The following CCDC180 variants were observed in gnomAD, a reference collection of about 807,000 sequenced individuals.
The protein encoded by CCDC180 is coiled-coil domain-containing protein 180.
In CCDC180, 154 loss-of-function variants were observed where a neutral mutation model predicts 209.2. That is an observed-to-expected ratio of 0.74 (90% CI 0.65 to 0.84). The LOEUF (loss-of-function observed/expected upper bound fraction) is 0.84, where lower values mean the gene tolerates loss of function less well. CCDC180 is among the 40% of genes least tolerant of loss of function. The pLI, the probability that CCDC180 is intolerant of heterozygous loss-of-function variation, is 0.00. For missense variants in CCDC180, 1,874 were observed against 1,997.3 expected (o/e 0.94, Z 1.18); for synonymous variants, 778 against 749.1 (o/e 1.04, Z -0.63).
intron 18 of CCDC180, among the ~76,000 whole-genome samples, chr9:97,338,629 G>A (rs1460110541): frequency 3.9e-5 from 6 of 152,314 alleles, no homozygotes; most frequent in Middle Eastern, 3.4e-3. Context: ...TGAGAAGAAT[G>A]TATATTCTGT....
rs770537232 is a variant in CCDC180 at position 97,314,709 on chromosome 9, A to C, written c.680A>C (p.Glu227Ala). Reference sequence around the variant, plus strand: ...CTGGATGAGGCCCTGCACTCGCTGGAGTTCTCCCGAACCGATAAAGTAAGT... The same window carrying C: ...CTGGATGAGGCCCTGCACTCGCTGGCGTTCTCCCGAACCGATAAAGTAAGT... The part of the protein sequence containing the change: ...KELDEALHSL[E>A]FSRTDKLKSV... The change falls in exon 7 of 37, where the codon GAG becomes GCG. Residue 227 changes from glutamate to alanine, a missense_variant. Physicochemically the swap from Glu to Ala is moderately radical, Grantham distance 107 (BLOSUM62 -1). Transcript: ENST00000529487. 1 of 1,613,888 alleles carries C rather than the reference A, an allele frequency of 6.2e-7. No individual in the cohort carries two copies. Among genetic ancestry groups the C allele is most frequent in the Non-Finnish European group, 8.5e-7 (1 of 1,179,938 alleles).
In CCDC180 at chr9:97,358,093, A is replaced by G. The variant is rs1044628804; in HGVS notation, c.3363+368A>G. 9.1e-4 allele frequency: 133 copies of G among 146,238 alleles called. 2 individuals are homozygous for G. The highest frequency in any genetic ancestry group is 3.6e-3 in the African/African-American group (125 of 34,818). The allele number at this position is 146,238 out of a possible 1,614,324, so 9.1% of individuals were successfully genotyped here. On this transcript the variant is annotated intron_variant, in intron 25 of 36. Coordinates refer to ENST00000529487, the MANE Select transcript of CCDC180 (RefSeq NM_020893.6). Reference sequence around the variant, plus strand: ...GCAGGGCCCTGCCCCCTGAACAACCACTTTTTGTTTGACTTTCCACTTGCT... The same window carrying G: ...GCAGGGCCCTGCCCCCTGAACAACCGCTTTTTGTTTGACTTTCCACTTGCT...
chr9:97,312,321 T>G, intron 4 of CCDC180, 120 bp downstream of exon 4: 1 of 769,566 alleles, frequency 1.3e-6, no homozygotes, highest in Non-Finnish European at 2.1e-6. Context: ...ACTGTGTTCC[T>G]CGGCTCAGCC....
chr9:97,330,463 A>C lies in CCDC180; in HGVS notation c.1970A>C (p.Asn657Thr), dbSNP rs758269623. The change falls in exon 18 of 37, where the codon AAC (asparagine) becomes ACC (threonine). Residue 657 changes from asparagine to threonine, a missense_variant. Physicochemically the swap from Asn to Thr is moderately conservative, Grantham distance 65. Coordinates refer to ENST00000529487, the MANE Select transcript of CCDC180 (RefSeq NM_020893.6). Reference sequence around the variant, plus strand: ...TCAGTAGAAGAGGTGGAAGAAGAAAACGATCAAGAAATGGAGTCCTTCATA... The same window carrying C: ...TCAGTAGAAGAGGTGGAAGAAGAAACCGATCAAGAAATGGAGTCCTTCATA... Reference protein sequence around the residue: ...ARSVEEVEEENDQEMESFITE... With the variant: ...ARSVEEVEEETDQEMESFITE... 4 of 1,614,170 alleles carry C rather than the reference A, an allele frequency of 2.5e-6. No individual in the cohort carries two copies. In the South Asian group the frequency reaches 4.4e-5, roughly 18 times the overall value.
intron 28 of CCDC180, 137 bp from the exon 29 acceptor site, chr9:97,363,914 A>C: frequency 1.4e-6 from 1 of 735,394 alleles, no homozygotes; most frequent in East Asian, 2.5e-5. Flanking sequence ...CCAAAGGGCT[A>C]GGCCCTAGAA....
At chr9:97,312,968 G>T (rs1264191691) in intron 4 of CCDC180, among the ~76,000 whole-genome samples, 1 of 147,018 alleles carries the variant, frequency 6.8e-6, no homozygotes, top group Non-Finnish European at 1.5e-5. Context: ...ATATGTATTT[G>T]CTTCCATAGA....
chr9:97,312,022 TG>T, intron 3 of CCDC180, 90 bp from the exon 4 acceptor site: 1 of 1,090,892 alleles, frequency 9.2e-7, no homozygotes, highest in Non-Finnish European at 1.4e-6. Flanking sequence ...ACAGTCCCTC[TG>T]GAGAACCACC....
chr9:97,364,330 A>G, intron 29 of CCDC180: 1 of 519,468 alleles, frequency 1.9e-6, no homozygotes, highest in Non-Finnish European at 3.4e-6. Flanking sequence ...TTTCATCAAC[A>G]TTTCACATTT....
rs150778871 is a variant in CCDC180 at position 97,374,585 on chromosome 9, G to T, written c.4643G>T (p.Arg1548Met). The T allele has an allele frequency of 1.2e-6, 2 of 1,614,122 alleles. No individual in the cohort carries two copies. The highest frequency in any genetic ancestry group is 2.7e-5 in the African/African-American group (2 of 75,034). Residue 1548 changes from arginine to methionine, a missense_variant, in exon 35 of 37, where the codon AGG (arginine) becomes ATG (methionine). Coordinates refer to ENST00000529487, the MANE Select transcript of CCDC180 (RefSeq NM_020893.6). ...CAGAAATTATCAATGCTCATACGAA[G>T]GAAACTCGCTGGGCTCTCCCTGAAG... ...PKQKLSMLIRRKLAGLSLKEE... is the reference protein window; with the variant it reads ...PKQKLSMLIRMKLAGLSLKEE...
intron 18 of CCDC180, among the ~76,000 whole-genome samples, chr9:97,333,518 T>TG: frequency 6.7e-6 from 1 of 149,872 alleles, no homozygotes; most frequent in Non-Finnish European, 1.5e-5. Context: ...TTTTTTTTTT[T>TG]TTTTTTTTTT....
intron 22 of CCDC180, among the ~76,000 whole-genome samples, chr9:97,351,342 A>G (rs1388656045): frequency 6.6e-6 from 1 of 152,088 alleles, no homozygotes; most frequent in Non-Finnish European, 1.5e-5. Flanking sequence ...TTTGTTTTTT[A>G]TAATAGACCT....
chr9:97,347,627 T>C, intron 20 of CCDC180, 138 bp downstream of exon 20: 1 of 816,950 alleles, frequency 1.2e-6, no homozygotes, highest in African/African-American at 1.7e-5. Context: ...CCATGGAAGA[T>C]GTACATGAGG....
chr9:97,312,694 AC>A, intron 4 of CCDC180, among the ~76,000 whole-genome samples: 1 of 79,014 alleles, frequency 1.3e-5, no homozygotes, highest in Non-Finnish European at 2.6e-5. Flanking sequence ...ACCCCAACCC[AC>A]CCCCGGTTAA....
rs777168034 is a variant in CCDC180, at chr9:97,374,563, A to C, written c.4621A>C (p.Lys1541Gln). ...QVARMEPPKQ[K>Q]LSMLIRRKLA... ...TCTAGGGATGGAGCCCCCCAAACAG[A>C]AATTATCAATGCTCATACGAAGGAA... The change falls in exon 35 of 37, where the codon AAA becomes CAA. Residue 1541 changes from lysine (K) to glutamine (Q), a missense_variant. Transcript: ENST00000529487. 3 of 1,614,006 alleles carry C rather than the reference A, an allele frequency of 1.9e-6. No homozygotes were observed. The highest frequency in any genetic ancestry group is 1.7e-6 in the Non-Finnish European group (2 of 1,180,000).
At chr9:97,307,599 A>G (rs3214071), upstream of CCDC180, 1 of 771,132 alleles carries the variant, frequency 1.3e-6, no homozygotes, top group South Asian at 1.6e-5. Flanking sequence ...TGGAGGGTGG[A>G]TTAGGGTCCC....
rs1397245381 is a variant in CCDC180 at position 97,313,221 on chromosome 9, G to A, written c.350-15G>A. On this transcript the variant is annotated splice_polypyrimidine_tract_variant and intron_variant, in intron 4 of 36. Coordinates refer to ENST00000529487, the MANE Select transcript of CCDC180 (RefSeq NM_020893.6). The stretch of plus-strand genomic sequence containing the variant: ...CTCTGAAGGCAGCCTCATCACCTCT[G>A]TTGTTGCTCCGCAGTTCCTGAGAAG... The A allele has an allele frequency of 1.3e-6, 2 of 1,579,532 alleles. No individual in the cohort carries two copies. The highest frequency in any genetic ancestry group is 8.7e-7 in the Non-Finnish European group (1 of 1,151,176).
At chr9:97,370,534 A>C in intron 32 of CCDC180, 107 bp from the exon 33 acceptor site, 1 of 1,279,928 alleles carries the variant, frequency 7.8e-7, no homozygotes, top group Non-Finnish European at 1.1e-6. Flanking sequence ...CCACACACCC[A>C]GGTCAGAGGA....
At chr9:97,361,654 G>A (rs1271040601) in intron 26 of CCDC180, 72 bp from the exon 27 acceptor site, 1 of 1,517,224 alleles carries the variant, frequency 6.6e-7, no homozygotes, top group African/African-American at 1.4e-5. Flanking sequence ...GAGGGAACAT[G>A]AATTCGGCCT....
Position 97,349,108 on chromosome 9 carries a change from C to T in CCDC180, c.2675-3C>T. On this transcript the variant is annotated splice_region_variant and splice_polypyrimidine_tract_variant and intron_variant, in intron 20 of 36. Coordinates refer to ENST00000529487, the MANE Select transcript of CCDC180 (RefSeq NM_020893.6). ...GGCCCCAGCTCTCTTAATCCTTTTTCAGCCGAGCTTTTGCTTCATCAAGAG... is the reference window on the plus strand; with the variant it reads ...GGCCCCAGCTCTCTTAATCCTTTTTTAGCCGAGCTTTTGCTTCATCAAGAG... The T allele has an allele frequency of 2.0e-6, 3 of 1,533,674 alleles. No homozygotes were observed. Among genetic ancestry groups the T allele is most frequent in the African/African-American group, 1.4e-5 (1 of 72,952 alleles).
Sources: allele counts gnomAD v4.1 joint callset (sites outside exome capture counted in the v4.1 genomes callset), GRCh38; gene constraint gnomAD v4.1.1; transcripts MANE v1.5; gene names NCBI Gene and HGNC (gene_info 2026-07-23, HGNC 2026-07-21).